DHRS4L2: variants seen among roughly 807,000 people sequenced by gnomAD.
The protein encoded by DHRS4L2 is dehydrogenase/reductase 4 like 2, also known as dehydrogenase/reductase SDR family member 4-like 2.
DHRS4L2 carries 22 observed loss-of-function variants against 23.9 expected under a neutral mutation model. That is an observed-to-expected ratio of 0.92 (90% confidence interval 0.66 to 1.31). The LOEUF is 1.31. Ranked by LOEUF, DHRS4L2 falls within the 40% of genes most tolerant of loss-of-function variation. The probability of loss-of-function intolerance (pLI) is 0.00; values close to 1 mark genes in which losing one functional copy is unlikely to be tolerated. For missense variants in DHRS4L2, 385 were observed against 303.3 expected (o/e 1.27, Z -2.00); for synonymous variants, 141 against 123.7 (o/e 1.14, Z -0.93).
At chr14:23,992,685 T>C (rs2034293637) in intron 2 of DHRS4L2, among the ~76,000 whole-genome samples, 1 of 151,320 alleles carries the variant, frequency 6.6e-6, no homozygotes, top group Admixed American at 6.6e-5. Context: ...CTTAGAAGAC[T>C]TTCTTTTATT....
intron 1 of DHRS4L2, among the ~76,000 whole-genome samples, chr14:23,989,426 G>A (rs1030005648): frequency 6.6e-6 from 1 of 151,554 alleles, no homozygotes; most frequent in Admixed American, 6.6e-5. Context: ...CTTATAACAA[G>A]GCCTCCAGCT....
At chr14:23,973,494 G>A (rs1481830635) in intron 1 of DHRS4L2, among the ~76,000 whole-genome samples, 2 of 151,980 alleles carry the variant, frequency 1.3e-5, no homozygotes, top group African/African-American at 4.8e-5. Flanking sequence ...TGAGGCTGAG[G>A]AGGTGCCAAG....
intron 3 of DHRS4L2, among the ~76,000 whole-genome samples, chr14:24,000,113 C>G (rs557330931): frequency 1.4e-5 from 2 of 140,824 alleles, no homozygotes; most frequent in East Asian, 4.1e-4. Flanking sequence ...ATTTAAAAAA[C>G]TGTACAGATC....
chr14:23,981,564 T>G (rs1030517261), intron 1 of DHRS4L2, among the ~76,000 whole-genome samples: 10 of 150,978 alleles, frequency 6.6e-5, no homozygotes, highest in Non-Finnish European at 1.2e-4. Flanking sequence ...AGGAAAGAAA[T>G]AAGACACAGA....
intron 1 of DHRS4L2, among the ~76,000 whole-genome samples, chr14:23,971,866 A>G (rs1314660708): frequency 2.0e-5 from 3 of 152,070 alleles, no homozygotes; most frequent in Non-Finnish European, 2.9e-5. Context: ...GGTACCAGCC[A>G]CTGCAAAAAC....
chr14:23,983,324 C>A (rs1193033507), intron 1 of DHRS4L2, among the ~76,000 whole-genome samples: 1 of 151,704 alleles, frequency 6.6e-6, no homozygotes, highest in Non-Finnish European at 1.5e-5. Flanking sequence ...ATCAAAACCA[C>A]AATGAGATAC....
At chr14:23,971,655 A>G (rs1470844467) in intron 1 of DHRS4L2, among the ~76,000 whole-genome samples, 1 of 152,032 alleles carries the variant, frequency 6.6e-6, no homozygotes, top group South Asian at 2.1e-4. Flanking sequence ...CAAACCAGAA[A>G]AGAGTTGGGA....
At chr14:23,971,801 C>T (rs531099064) in intron 1 of DHRS4L2, among the ~76,000 whole-genome samples, 4 of 152,054 alleles carry the variant, frequency 2.6e-5, no homozygotes, top group Non-Finnish European at 5.9e-5. Context: ...CACCACCAGG[C>T]CTGCCTTACA....
intron 1 of DHRS4L2, chr14:23,970,431 C>T (rs1172735509): frequency 2.8e-5 from 10 of 358,124 alleles, no homozygotes; most frequent in African/African-American, 6.6e-5. Context: ...CTTCAGTAGG[C>T]GTTCTATGAT....
At chr14:23,994,266 G>A (rs2034330462) in intron 2 of DHRS4L2, among the ~76,000 whole-genome samples, 1 of 151,714 alleles carries the variant, frequency 6.6e-6, no homozygotes, top group Non-Finnish European at 1.5e-5. Flanking sequence ...GAAAGGAAGA[G>A]GAGGGGTCTG....
chr14:23,986,153 ACC>A (rs1219882279), upstream of DHRS4L2, among the ~76,000 whole-genome samples: 127 of 151,386 alleles, frequency 8.4e-4, 5 homozygotes, highest in East Asian at 0.016. Context: ...CACCATGCCC[ACC>A]CCAAGATTTC....
rs1378390870 is a variant in DHRS4L2 at position 24,004,351 on chromosome 14, G to C, written c.680G>C (p.Arg227Thr). Reference sequence around the variant, plus strand: ...TCTTCCTACAGCTCTGGATGGACAAGGAAAAAGAGGAAAGCATGAAAGAAA... The same window carrying C: ...TCTTCCTACAGCTCTGGATGGACAACGAAAAAGAGGAAAGCATGAAAGAAA... ...LASAGCSGWT[R>T]KKRKA Residue 227 changes from arginine (R) to threonine (T), a missense_variant, in exon 7 of 8, where the codon AGG becomes ACG. Transcript: ENST00000335125. 2.1e-5 allele frequency: 34 copies of C among 1,603,224 alleles called. 2 individuals are homozygous for C. Among genetic ancestry groups the C allele is most frequent in the Non-Finnish European group, 2.8e-5 (33 of 1,178,490 alleles).
At chr14:23,984,809 A>AAC (rs1566490599), upstream of DHRS4L2, among the ~76,000 whole-genome samples, 3 of 149,592 alleles carry the variant, frequency 2.0e-5, no homozygotes, top group South Asian at 2.1e-4. Flanking sequence ...CCATCTCAAA[A>AAC]AAAAAAAAAA....
At chr14:23,974,545 A>C (rs2033929828) in intron 1 of DHRS4L2, among the ~76,000 whole-genome samples, 5 of 151,812 alleles carry the variant, frequency 3.3e-5, no homozygotes, top group Non-Finnish European at 7.4e-5. Context: ...AAATAGACAC[A>C]ATAAAAAATC....
intron 1 of DHRS4L2, among the ~76,000 whole-genome samples, chr14:23,972,236 T>A (rs1005858064): frequency 2.0e-5 from 3 of 152,042 alleles, no homozygotes; most frequent in Non-Finnish European, 2.9e-5. Context: ...TTGTTCCTTC[T>A]GATGTTCAGA....
At chr14:23,974,720 A>G (rs888066098) in intron 1 of DHRS4L2, among the ~76,000 whole-genome samples, 1 of 151,918 alleles carries the variant, frequency 6.6e-6, no homozygotes, top group Non-Finnish European at 1.5e-5. Flanking sequence ...ATTGCTGAAT[A>G]GACCAATAAC....
upstream of DHRS4L2, chr14:23,988,779 C>G: frequency 7.1e-7 from 1 of 1,402,728 alleles, no homozygotes; most frequent in Non-Finnish European, 9.3e-7. Flanking sequence ...GGCTGCGGGG[C>G]GGGGCGACTG....
At chr14:23,984,062 GAAATT>G (rs898860454), upstream of DHRS4L2, among the ~76,000 whole-genome samples, 1 of 151,240 alleles carries the variant, frequency 6.6e-6, no homozygotes, top group Non-Finnish European at 1.5e-5. Flanking sequence ...GTAAAAAAAA[GAAATT>G]AAAAAGAGTT....
In DHRS4L2 at chr14:23,975,655, G is replaced by A. The variant is rs111623930; in HGVS notation, c.-176+5323G>A. Among the ~76,000 whole-genome samples, 203 of 151,878 alleles carry A rather than the reference G, an allele frequency of 1.3e-3. 5 individuals are homozygous for A. The highest frequency in any genetic ancestry group is 1.9e-3 in the Non-Finnish European group (132 of 67,962). Reference sequence around the variant, plus strand: ...ATAAGCAAAAAGAACAAAGCTGGAGGCGTCACACTACCTGACTTCAAACTA... The same window carrying A: ...ATAAGCAAAAAGAACAAAGCTGGAGACGTCACACTACCTGACTTCAAACTA... On this transcript the variant is annotated intron_variant, in intron 1 of 5. Coordinates refer to the DHRS4L2 transcript ENST00000534993.
Sources: gnomAD v4.1 joint callset for allele counts (sites outside exome capture counted in the v4.1 genomes callset) on GRCh38, gnomAD v4.1.1 for gene constraint, MANE v1.5 for transcripts, NCBI Gene and HGNC (gene_info 2026-07-23, HGNC 2026-07-21) for gene names.